SLC27A3: variants seen among roughly 807,000 people sequenced by gnomAD.
SLC27A3 encodes the protein long-chain fatty acid transport protein 3.
In SLC27A3, 60 loss-of-function variants were observed where a neutral mutation model predicts 60.1. The observed-to-expected ratio is 1.00, with a 90% confidence interval of 0.81 to 1.24. SLC27A3 has a LOEUF of 1.24. SLC27A3 is among the 50% of genes most tolerant of loss of function. The pLI is 0.00. For missense variants in SLC27A3, 1,079 were observed against 929.9 expected (o/e 1.16, Z -2.09); for synonymous variants, 455 against 409.0 (o/e 1.11, Z -1.36).
chr1:153,776,109 C>A lies in SLC27A3; in HGVS notation c.612C>A (p.Gly204=). 1.4e-6 allele frequency: 2 copies of A among 1,472,572 alleles called. No homozygotes were observed. Among genetic ancestry groups the A allele is most frequent in the South Asian group, 2.7e-5 (2 of 72,922 alleles). The allele number at this position is 1,472,572 out of a possible 1,614,324, so 91.2% of individuals were successfully genotyped here. Residue 204 remains glycine, a synonymous_variant, in exon 1 of 10, where the codon GGC becomes GGA. Transcript: ENST00000624995. ...TAFVPTALRR[G]PLLHCLRSCG... is the part of the protein sequence containing the mutation. ...TTGTGCCCACCGCCCTGCGCCGGGG[C>A]CCCCTGCTGCACTGCCTCCGCAGCT... is the stretch of plus-strand genomic sequence containing the variant.
rs1183982767 is a variant in SLC27A3 at position 153,777,182 on chromosome 1, C to T, written c.998C>T (p.Ser333Phe). The change falls in exon 3 of 10, where the codon TCC becomes TTC. Residue 333 changes from serine (S) to phenylalanine (F), a missense_variant. Physicochemically the swap from Ser to Phe is radical, Grantham distance 155. Coordinates refer to ENST00000624995, the MANE Select transcript of SLC27A3 (RefSeq NM_024330.4). Reference protein sequence around the residue: ...IYLALPLYHMSGSLLGIVGCM... With the variant: ...IYLALPLYHMFGSLLGIVGCM... ...CTCGCCCTCCCACTCTACCACATGTCCGGTTCCCTGCTGGGCATCGTGGGC... is the reference window on the plus strand; with the variant it reads ...CTCGCCCTCCCACTCTACCACATGTTCGGTTCCCTGCTGGGCATCGTGGGC... 6.2e-7 allele frequency: 1 copy of T among 1,614,146 alleles called. No individual in the cohort carries two copies. Among genetic ancestry groups the T allele is most frequent in the Non-Finnish European group, 8.5e-7 (1 of 1,180,062 alleles).
In SLC27A3 at chr1:153,775,795, A is replaced by G; in HGVS notation, c.298A>G (p.Ser100Gly). The G allele has an allele frequency of 6.6e-7, 1 of 1,504,846 alleles. No individual in the cohort carries two copies. The highest frequency in any genetic ancestry group is 8.8e-7 in the Non-Finnish European group (1 of 1,131,022). The allele number at this position is 1,504,846 out of a possible 1,614,324, so 93.2% of individuals were successfully genotyped here. The change falls in exon 1 of 10, where the codon AGT (serine) becomes GGT (glycine). Residue 100 changes from serine to glycine, a missense_variant. Physicochemically the swap from Ser to Gly is moderately conservative, Grantham distance 56. Coordinates refer to ENST00000624995, the MANE Select transcript of SLC27A3 (RefSeq NM_024330.4). ...TAGCTACTCAGAGGCGGAGCGCGAG[A>G]GTAACAGGGCTGCACGCGCCTTCCT... Reference protein sequence around the residue: ...RFSYSEAERESNRAARAFLRA... With the variant: ...RFSYSEAEREGNRAARAFLRA...
In SLC27A3 at chr1:153,777,863, G is replaced by T; in HGVS notation, c.1139G>T (p.Arg380Leu). ...TTCCAGTACATTGGGGAGCTGTGCC[G>T]ATACCTTGTCAACCAGCCCCCGGTG... ...TVFQYIGELC[R>L]YLVNQPPSKA... The change falls in exon 4 of 10, where the codon CGA (arginine) becomes CTA (leucine). Residue 380 changes from arginine (R) to leucine (L), a missense_variant. Arg to Leu is a moderately radical substitution (Grantham distance 102). Coordinates refer to ENST00000624995, the MANE Select transcript of SLC27A3 (RefSeq NM_024330.4). 1 of 1,614,222 alleles carries T rather than the reference G, an allele frequency of 6.2e-7. No individual in the cohort carries two copies. The highest frequency in any genetic ancestry group is 8.5e-7 in the Non-Finnish European group (1 of 1,180,032).
chr1:153,776,115 G>T lies in SLC27A3; in HGVS notation c.618G>T (p.Leu206=), dbSNP rs368497641. The T allele has an allele frequency of 5.4e-6, 8 of 1,471,042 alleles. No individual in the cohort carries two copies. In the East Asian group the frequency reaches 7.8e-5, roughly 14 times the overall value. 91.1% of individuals were successfully genotyped at this position (1,471,042 alleles called of 1,614,324 possible). ...CCACCGCCCTGCGCCGGGGCCCCCT[G>T]CTGCACTGCCTCCGCAGCTGCGGCG... ...FVPTALRRGP[L]LHCLRSCGAR... is the part of the protein sequence containing the mutation. Residue 206 remains leucine, a synonymous_variant, in exon 1 of 10, where the codon CTG becomes CTT. Transcript: ENST00000624995.
In SLC27A3 at chr1:153,775,761, G is replaced by T; in HGVS notation, c.264G>T (p.Ser88=). ...RAAHTFLIHG[S]RRFSYSEAER... ...CGCACACCTTTCTCATTCACGGCTC[G>T]CGGCGCTTTAGCTACTCAGAGGCGG... Residue 88 remains serine (S), a synonymous_variant, in exon 1 of 10, where the codon TCG becomes TCT. Transcript: ENST00000624995. 6.8e-7 allele frequency: 1 copy of T among 1,480,070 alleles called. No individual in the cohort carries two copies. The allele number at this position is 1,480,070 out of a possible 1,614,324, so 91.7% of individuals were successfully genotyped here.
chr1:153,779,392 C>T lies in SLC27A3; in HGVS notation c.1794C>T (p.His598=), dbSNP rs202242885. ...CAGCCCTAGTTCTGCGTCCCCCCCA[C>T]GCTTTGGACCTTATGCAGCTCTACA... ...GMAALVLRPP[H]ALDLMQLYTH... is the part of the protein sequence containing the mutation. The change falls in exon 9 of 10, where the codon CAC becomes CAT. Residue 598 remains histidine, a synonymous_variant. Transcript: ENST00000624995. 5.1e-5 allele frequency: 83 copies of T among 1,612,826 alleles called. No individual in the cohort carries two copies. Among genetic ancestry groups the T allele is most frequent in the Non-Finnish European group, 6.1e-5 (72 of 1,179,644 alleles).
rs751304493 is a variant in SLC27A3, at chr1:153,776,545, T to C, written c.695T>C (p.Leu232Pro). Residue 232 changes from leucine to proline, a missense_variant, in exon 2 of 10, where the codon CTG becomes CCG. Leu to Pro is a moderately conservative substitution (Grantham distance 98, BLOSUM62 -3). Coordinates refer to ENST00000624995, the MANE Select transcript of SLC27A3 (RefSeq NM_024330.4). ...PEFLESLEPD[L>P]PALRAMGLHL... ...TTTCTGGAGTCCCTGGAGCCGGACC[T>C]GCCCGCCCTGAGAGCCATGGGGCTC... is the stretch of plus-strand genomic sequence containing the variant. 4 of 1,614,104 alleles carry C rather than the reference T, an allele frequency of 2.5e-6. No homozygotes were observed. In the South Asian group the frequency reaches 4.4e-5, roughly 18 times the overall value.
At position 153,776,757 on chromosome 1, in the gene SLC27A3, C is replaced by T. The variant is rs374061121; in HGVS notation, c.877+30C>T. The T allele has an allele frequency of 4.1e-5, 66 of 1,608,920 alleles. No individual in the cohort carries two copies. In the African/African-American group the frequency reaches 5.3e-4, roughly 13 times the overall value. On this transcript the variant is annotated intron_variant, in intron 2 of 9. Coordinates refer to ENST00000624995, the MANE Select transcript of SLC27A3 (RefSeq NM_024330.4). ...GGGCCGGGCACCATACTTAGCTCCCCGAAACCAAGGCAGAGGAAGGCAGGG... is the reference window on the plus strand; with the variant it reads ...GGGCCGGGCACCATACTTAGCTCCCTGAAACCAAGGCAGAGGAAGGCAGGG...
Position 153,778,306 on chromosome 1 carries a change from A to T in SLC27A3, c.1307A>T (p.Asn436Ile), listed in dbSNP as rs746822570. Residue 436 changes from asparagine (N) to isoleucine (I), a missense_variant, in exon 5 of 10, where the codon AAC becomes ATC. Transcript: ENST00000624995. Reference protein sequence around the residue: ...GLTEGNVATINYTGQRGAVGR... With the variant: ...GLTEGNVATIIYTGQRGAVGR... ...ACAGAGGGCAACGTGGCCACCATCA[A>T]CTACACAGGACAGCGGGGCGCTGTG... is the stretch of plus-strand genomic sequence containing the variant. The T allele has an allele frequency of 2.5e-6, 4 of 1,614,030 alleles. No homozygotes were observed. The South Asian group carries it at 4.4e-5, about 18-fold the overall frequency.
Position 153,780,005 on chromosome 1 carries a change from A to G in SLC27A3, c.*3A>G. The stretch of plus-strand genomic sequence containing the variant: ...TGGCAGGAAACCTTCGAATCTGAGA[A>G]CTTCCACACCTGAGGCACCTGAGAG... On this transcript the variant is annotated 3_prime_UTR_variant, in exon 10 of 10. Coordinates refer to ENST00000624995, the MANE Select transcript of SLC27A3 (RefSeq NM_024330.4). The G allele has an allele frequency of 6.2e-7, 1 of 1,609,546 alleles. No homozygotes were observed. Among genetic ancestry groups the G allele is most frequent in the Non-Finnish European group, 8.5e-7 (1 of 1,177,786 alleles).
intron 3 of SLC27A3, 169 bp from the exon 4 acceptor site, chr1:153,777,589 GGCC>G: frequency 1.2e-6 from 1 of 830,330 alleles, no homozygotes; most frequent in East Asian, 2.4e-5. Flanking sequence ...TGGGGACAGG[GGCC>G]GGGGGAGGGG....
rs768960234 is a variant in SLC27A3, at chr1:153,775,605, G to C, written c.108G>C (p.Ala36=). The part of the protein sequence containing the change: ...LRWLPADLAF[A]VRALCCKRAL... ...GGCTTCCGGCGGACTTGGCCTTTGC[G>C]GTGCGAGCTCTGTGCTGCAAAAGGG... Residue 36 remains alanine, a synonymous_variant, in exon 1 of 10, where the codon GCG becomes GCC. Transcript: ENST00000624995. 1 of 1,593,976 alleles carries C rather than the reference G, an allele frequency of 6.3e-7. No individual in the cohort carries two copies. Among genetic ancestry groups the C allele is most frequent in the Non-Finnish European group, 8.5e-7 (1 of 1,173,188 alleles).
At position 153,779,890 on chromosome 1, in the gene SLC27A3, AC is replaced by A; in HGVS notation, c.1944del (p.Ser649AlafsTer14). 1 of 1,613,454 alleles carries A rather than the reference AC, an allele frequency of 6.2e-7. No homozygotes were observed. Among genetic ancestry groups the A allele is most frequent in the Non-Finnish European group, 8.5e-7 (1 of 1,179,890 alleles). ...QKVRMANEGF[D>X]PSTLSDPLYV... Reference sequence around the variant, plus strand: ...GTTCGGATGGCAAATGAGGGCTTCGACCCCAGCACCCTGTCTGACCCACTGT... The same window carrying A: ...GTTCGGATGGCAAATGAGGGCTTCGACCCAGCACCCTGTCTGACCCACTGT... On this transcript the variant is annotated frameshift_variant, in exon 10 of 10. Coordinates refer to ENST00000624995, the MANE Select transcript of SLC27A3 (RefSeq NM_024330.4). LOFTEE classifies it low-confidence loss of function (END_TRUNC).
At position 153,779,440 on chromosome 1, in the gene SLC27A3, A is replaced by G; in HGVS notation, c.1842A>G (p.Pro614=). The change falls in exon 9 of 10, where the codon CCA becomes CCG. Residue 614 remains proline (P), a synonymous_variant. Transcript: ENST00000624995. ...ACACCCACGTGTCTGAGAACTTGCC[A>G]CCTTATGCCCGGCCCCGATTCCTCA... ...QLYTHVSENL[P]PYARPRFLRL... 1 of 1,613,462 alleles carries G rather than the reference A, an allele frequency of 6.2e-7. No homozygotes were observed. Among genetic ancestry groups the G allele is most frequent in the South Asian group, 1.1e-5 (1 of 91,050 alleles).
chr1:153,776,107 G>C lies in SLC27A3; in HGVS notation c.610G>C (p.Gly204Arg). ...TAFVPTALRR[G>R]PLLHCLRSCG... ...CTTTGTGCCCACCGCCCTGCGCCGG[G>C]GCCCCCTGCTGCACTGCCTCCGCAG... Residue 204 changes from glycine to arginine, a missense_variant, in exon 1 of 10, where the codon GGC becomes CGC. Physicochemically the swap from Gly to Arg is moderately radical, Grantham distance 125. Coordinates refer to ENST00000624995, the MANE Select transcript of SLC27A3 (RefSeq NM_024330.4). 6.8e-7 allele frequency: 1 copy of C among 1,475,678 alleles called. No individual in the cohort carries two copies. The highest frequency in any genetic ancestry group is 1.4e-5 in the South Asian group (1 of 73,264). 91.4% of individuals were successfully genotyped at this position (1,475,678 alleles called of 1,614,324 possible). A position where few individuals can be genotyped will look rare whatever the true frequency, so the allele number is the denominator to read the frequency against.
intron 1 of SLC27A3, 125 bp from the exon 2 acceptor site, chr1:153,776,393 A>G: frequency 7.8e-7 from 1 of 1,283,650 alleles, no homozygotes; most frequent in Non-Finnish European, 1.1e-6. Flanking sequence ...CAGACCCAAG[A>G]TGGAATGTCC....
In SLC27A3 at chr1:153,776,678, C is replaced by T; in HGVS notation, c.828C>T (p.Pro276=). The change falls in exon 2 of 10, where the codon CCC becomes CCT. Residue 276 remains proline (P), a synonymous_variant. Coordinates refer to ENST00000624995, the MANE Select transcript of SLC27A3 (RefSeq NM_024330.4). ...DGPVPGYLSS[P]QSITDTCLYI... ...CAGTGCCAGGATACCTCTCTTCCCCCCAGAGCATAACAGACACGTGCCTGT... is the reference window on the plus strand; with the variant it reads ...CAGTGCCAGGATACCTCTCTTCCCCTCAGAGCATAACAGACACGTGCCTGT... The T allele has an allele frequency of 6.2e-7, 1 of 1,614,118 alleles. No individual in the cohort carries two copies. The highest frequency in any genetic ancestry group is 2.2e-5 in the East Asian group (1 of 44,868).
chr1:153,778,341 T>C lies in SLC27A3; in HGVS notation c.1342T>C (p.Ser448Pro). 4 of 1,614,008 alleles carry C rather than the reference T, an allele frequency of 2.5e-6. No homozygotes were observed. The highest frequency in any genetic ancestry group is 3.4e-6 in the Non-Finnish European group (4 of 1,179,936). ...ACAGCGGGGCGCTGTGGGGCGTGCT[T>C]CCTGGCTTTACAAGGTGAGGGGCAG... ...TGQRGAVGRA[S>P]WLYKHIFPFS... The change falls in exon 5 of 10, where the codon TCC (serine) becomes CCC (proline). Residue 448 changes from serine (S) to proline (P), a missense_variant. Physicochemically the swap from Ser to Pro is moderately conservative, Grantham distance 74. Coordinates refer to ENST00000624995, the MANE Select transcript of SLC27A3 (RefSeq NM_024330.4).
In SLC27A3 at chr1:153,776,701, T is replaced by C. The variant is rs565076905; in HGVS notation, c.851T>C (p.Leu284Pro). ...SSPQSITDTC[L>P]YIFTSGTTGL... ...CCCCAGAGCATAACAGACACGTGCCTGTACATCTTCACCTCTGGCACCACG... is the reference window on the plus strand; with the variant it reads ...CCCCAGAGCATAACAGACACGTGCCCGTACATCTTCACCTCTGGCACCACG... The change falls in exon 2 of 10, where the codon CTG (leucine) becomes CCG (proline). Residue 284 changes from leucine to proline, a missense_variant. By Grantham distance (98) the Leu-to-Pro change is moderately conservative (BLOSUM62 -3). Transcript: ENST00000624995. 43 of 1,614,076 alleles carry C rather than the reference T, an allele frequency of 2.7e-5. 1 individual carries two copies. The South Asian group carries it at 4.6e-4, about 17-fold the overall frequency.
Sources: allele counts gnomAD v4.1 joint callset, GRCh38; gene constraint gnomAD v4.1.1; transcripts MANE v1.5; gene names NCBI Gene and HGNC (gene_info 2026-07-23, HGNC 2026-07-21).